RP1: variants seen among roughly 807,000 people sequenced by gnomAD.
The protein encoded by RP1 is RP1 axonemal microtubule associated.
A neutral mutation model predicts 14.8 loss-of-function variants in RP1; 16 were observed. The observed-to-expected ratio is 1.08, with a 90% confidence interval of 0.73 to 1.65. The LOEUF (loss-of-function observed/expected upper bound fraction) is 1.65, where lower values mean the gene tolerates loss of function less well. RP1 is among the 40% of genes most tolerant of loss of function. The probability of loss-of-function intolerance (pLI) is 0.00; values close to 1 mark genes in which losing one functional copy is unlikely to be tolerated. For missense variants in RP1, 2,631 were observed against 2,535.0 expected (o/e 1.04, Z -0.81); for synonymous variants, 876 against 883.6 (o/e 0.99, Z 0.15).
At chr8:54,698,206 C>A (rs898134215) in intron 12 of RP1, among the ~76,000 whole-genome samples, 1 of 151,358 alleles carries the variant, frequency 6.6e-6, no homozygotes, top group Non-Finnish European at 1.5e-5. Flanking sequence ...AAAAAAACAA[C>A]CCCATCAAAA....
Position 54,715,810 on chromosome 8 carries a change from C to T in RP1, c.2212-4319C>T, listed in dbSNP as rs193046469. On this transcript the variant is annotated intron_variant, in intron 15 of 22. Coordinates refer to the RP1 transcript ENST00000636932. The stretch of plus-strand genomic sequence containing the variant: ...TTTCTACTGAAATGCAGAAACTGCT[C>T]GTCACTAGTGCTACAGTAGATATAC... 5.3e-5 allele frequency among the ~76,000 whole-genome samples: 8 copies of T among 152,276 alleles called. No homozygotes were observed. In the East Asian group the frequency reaches 9.6e-4, roughly 18 times the overall value.
At chr8:54,828,247 G>A (rs905479558) in intron 24 of RP1, among the ~76,000 whole-genome samples, 6 of 152,318 alleles carry the variant, frequency 3.9e-5, no homozygotes, top group Admixed American at 3.9e-4. Context: ...TATCTGCTAT[G>A]GTTTGGAAAT....
chr8:54,720,093 G>T, intron 15 of RP1: 2 of 1,413,094 alleles, frequency 1.4e-6, no homozygotes, highest in East Asian at 2.6e-5. Context: ...TTTAGGACTT[G>T]CTCACATTTA....
chr8:54,668,152 G>T (rs1170591347), intron 7 of RP1, among the ~76,000 whole-genome samples: 1 of 152,140 alleles, frequency 6.6e-6, no homozygotes, highest in Non-Finnish European at 1.5e-5. Flanking sequence ...GATCAAGTGG[G>T]CTTCATTCCT....
intron 24 of RP1, among the ~76,000 whole-genome samples, chr8:54,813,010 T>G (rs890552147): frequency 6.6e-6 from 1 of 152,200 alleles, no homozygotes; most frequent in East Asian, 1.9e-4. Context: ...AAGTCAAAAT[T>G]TAGTTTCTGC....
intron 24 of RP1, among the ~76,000 whole-genome samples, chr8:54,804,423 G>A (rs186433152): frequency 6.6e-4 from 100 of 152,208 alleles, no homozygotes; most frequent in Admixed American, 2.0e-3. Context: ...TCATTTTGCC[G>A]GTGCTAGTTT....
chr8:54,677,246 T>C (rs1807313171), intron 8 of RP1, among the ~76,000 whole-genome samples: 1 of 151,956 alleles, frequency 6.6e-6, no homozygotes, highest in African/African-American at 2.4e-5. Flanking sequence ...CTGAGTCTAC[T>C]GAATTAGAAA....
chr8:54,656,873 A>G (rs1806765272), intron 6 of RP1, among the ~76,000 whole-genome samples: 1 of 151,568 alleles, frequency 6.6e-6, no homozygotes, highest in South Asian at 2.1e-4. Context: ...AATCCAGACT[A>G]TGTTCTGTTA....
chr8:54,595,172 C>A (rs986648032), intron 1 of RP1, among the ~76,000 whole-genome samples: 1 of 150,772 alleles, frequency 6.6e-6, no homozygotes, highest in Non-Finnish European at 1.5e-5. Flanking sequence ...CTCTGTTGCC[C>A]AGGGTGGAGT....
At chr8:54,831,993 C>T (rs774173182) in intron 24 of RP1, among the ~76,000 whole-genome samples, 10 of 151,520 alleles carry the variant, frequency 6.6e-5, no homozygotes, top group South Asian at 6.2e-4. Context: ...TTCTGGCCTG[C>T]GTTATTTCTA....
At chr8:54,720,206 G>A in exon 16 of RP1, 1 of 1,535,746 alleles carries the variant, frequency 6.5e-7, no homozygotes, top group South Asian at 1.2e-5. Flanking sequence ...AATCTACGAA[G>A]AGCCCAGGAT....
At chr8:54,866,530 A>G (rs1812463220) in intron 28 of RP1, among the ~76,000 whole-genome samples, 2 of 152,230 alleles carry the variant, frequency 1.3e-5, no homozygotes, top group Non-Finnish European at 2.9e-5. Flanking sequence ...TTATAGAGTT[A>G]TAATAAGTAG....
chr8:54,848,894 G>T (rs367855103), intron 25 of RP1, among the ~76,000 whole-genome samples: 1 of 152,042 alleles, frequency 6.6e-6, no homozygotes, highest in South Asian at 2.1e-4. Flanking sequence ...GATTACAGGC[G>T]CCTGCCACCA....
At chr8:54,743,269 C>T (rs1809144196) in intron 19 of RP1, among the ~76,000 whole-genome samples, 1 of 152,016 alleles carries the variant, frequency 6.6e-6, no homozygotes, top group Non-Finnish European at 1.5e-5. Context: ...ATGTCTTAAT[C>T]GTTTGACAAA....
chr8:54,566,008 C>G (rs1039380260), intron 1 of RP1, among the ~76,000 whole-genome samples: 2 of 152,202 alleles, frequency 1.3e-5, no homozygotes, highest in African/African-American at 4.8e-5. Context: ...CATCTTCACA[C>G]TGGTGTTCTC....
At chr8:54,586,638 G>A (rs1202425750) in intron 1 of RP1, among the ~76,000 whole-genome samples, 3 of 152,198 alleles carry the variant, frequency 2.0e-5, no homozygotes, top group Admixed American at 6.5e-5. Context: ...GGTGCTGTGG[G>A]CTCCACCCAG....
In RP1 at chr8:54,629,783, C is replaced by A. The variant is rs1157429277; in HGVS notation, c.5901C>A (p.Phe1967Leu). ...TACTTCAGACAGACAAAAATGTGTT[C>A]AGGGAAGAGAACAATAAAGCAAGTA... is the stretch of plus-strand genomic sequence containing the variant. ...PYLLQTDKNV[F>L]REENNKASMR... The change falls in exon 4 of 4, where the codon TTC (phenylalanine) becomes TTA (leucine). Residue 1967 changes from phenylalanine (F) to leucine (L), a missense_variant. By Grantham distance (22) the Phe-to-Leu change is conservative. Transcript: ENST00000220676. 6.2e-7 allele frequency: 1 copy of A among 1,610,114 alleles called. No homozygotes were observed. Among genetic ancestry groups the A allele is most frequent in the Admixed American group, 1.7e-5 (1 of 59,490 alleles).
chr8:54,582,520 T>A (rs906132853), intron 1 of RP1, among the ~76,000 whole-genome samples: 2 of 151,822 alleles, frequency 1.3e-5, no homozygotes, highest in African/African-American at 4.8e-5. Context: ...TTAAAAGTAG[T>A]TTTTTCCAAT....
At chr8:54,582,276 T>C (rs1284799683) in intron 1 of RP1, among the ~76,000 whole-genome samples, 1 of 152,066 alleles carries the variant, frequency 6.6e-6, no homozygotes, top group Non-Finnish European at 1.5e-5. Flanking sequence ...TCCCCATTTC[T>C]TGTTTTTGTC....
Sources: allele counts gnomAD v4.1 joint callset (sites outside exome capture counted in the v4.1 genomes callset), GRCh38; gene constraint gnomAD v4.1.1; transcripts MANE v1.5; gene names NCBI Gene and HGNC (gene_info 2026-07-23, HGNC 2026-07-21).